Variants in MAGED1 observed in about 807,000 individuals in gnomAD.
MAGED1 encodes the protein melanoma-associated antigen D1.
A neutral mutation model predicts 54.1 loss-of-function variants in MAGED1; 3 were observed. The observed-to-expected ratio is 0.06, with a 90% CI of 0.03 to 0.14. The LOEUF (loss-of-function observed/expected upper bound fraction) is 0.14, where lower values mean the gene tolerates loss of function less well. MAGED1 is among the 10% of genes least tolerant of loss of function. The probability of loss-of-function intolerance (pLI) is 1.00; values close to 1 mark genes in which losing one functional copy is unlikely to be tolerated. For missense variants in MAGED1, 485 were observed against 623.4 expected, an observed-to-expected ratio of 0.78 and a Z score of 2.36; for synonymous variants, 217 against 227.3, an observed-to-expected ratio of 0.95 and a Z score of 0.41.
intron 1 of MAGED1, among the ~76,000 whole-genome samples, chrX:51,829,975 G>C (rs1557357275): frequency 9.0e-6 from 1 of 111,344 alleles, no homozygotes; most frequent in African/African-American, 3.3e-5. Context: ...AGACATGGAA[G>C]AAAACATTGC....
rs1167259151 is a variant in MAGED1, at chrX:51,859,357, C to T, written c.-36-34912C>T. Among the ~76,000 whole-genome samples the T allele has an allele frequency of 2.7e-5, 3 of 111,670 alleles. No individual in the cohort carries two copies. In the East Asian group the frequency reaches 8.4e-4, roughly 31 times the overall value. On this transcript the variant is annotated intron_variant, in intron 1 of 12. Coordinates refer to the MAGED1 transcript ENST00000375772. ...ACACTTGTGTTGTGATAGTATTAAT[C>T]ACTTTAGATTATGGGGCTTCTGCTG...
intron 10 of MAGED1, chrX:51,899,969 C>A: frequency 2.7e-6 from 1 of 366,428 alleles, no homozygotes; most frequent in East Asian, 5.1e-5. Flanking sequence ...TGACCCTATA[C>A]AAGCCTCGCC....
chrX:51,874,516 C>A lies in MAGED1; in HGVS notation c.-36-19753C>A, dbSNP rs192161038. Among the ~76,000 whole-genome samples, 78 of 111,372 alleles carry A rather than the reference C, an allele frequency of 7.0e-4. 1 individual carries two copies. The highest frequency in any genetic ancestry group is 1.2e-3 in the Admixed American group (13 of 10,493). On this transcript the variant is annotated intron_variant, in intron 1 of 12. Transcript: ENST00000375772. ...AAATGTATTTTATTTCACTTAGAAT[C>A]TTTTCCATTATGTCTTCAAGTTCAC...
chrX:51,808,922 G>T (rs1364555641), intron 1 of MAGED1, among the ~76,000 whole-genome samples: 1 of 111,504 alleles, frequency 9.0e-6, no homozygotes, highest in Non-Finnish European at 1.9e-5. Context: ...TACTTAGTAA[G>T]ATAAATAATA....
At chrX:51,893,445 G>T (rs1407225006), upstream of MAGED1, 1 of 112,940 alleles carries the variant, frequency 8.9e-6, no homozygotes, top group East Asian at 2.8e-4. Context: ...TGGTGGTGGG[G>T]TGGTGTGTTG....
upstream of MAGED1, among the ~76,000 whole-genome samples, chrX:51,892,673 A>G (rs1018744531): frequency 5.4e-5 from 6 of 111,167 alleles, no homozygotes; most frequent in East Asian, 8.6e-4. Context: ...CTAGAACACA[A>G]ACTTTGCTTG....
chrX:51,868,265 GTGTGTGTGTGTGTT>G (rs1271292775), intron 1 of MAGED1, among the ~76,000 whole-genome samples: 2 of 111,104 alleles, frequency 1.8e-5, no homozygotes, highest in African/African-American at 6.6e-5. Flanking sequence ...AGGAAAGTAA[GTGTGTGTGTGTGTT>G]TGTGTGTGTG....
chrX:51,852,490 A>G (rs1165585835), intron 1 of MAGED1, among the ~76,000 whole-genome samples: 1 of 112,169 alleles, frequency 8.9e-6, no homozygotes, highest in Non-Finnish European at 1.9e-5. Context: ...TTTTCACTGA[A>G]ACAGGCATTA....
At chrX:51,812,417 C>T (rs1925251561) in intron 1 of MAGED1, among the ~76,000 whole-genome samples, 1 of 110,987 alleles carries the variant, frequency 9.0e-6, no homozygotes, top group Non-Finnish European at 1.9e-5. Context: ...AATGGTGTCC[C>T]CATTCTCCCA....
intron 1 of MAGED1, among the ~76,000 whole-genome samples, chrX:51,824,295 A>G (rs1925748366): frequency 9.0e-6 from 1 of 111,243 alleles, no homozygotes; most frequent in African/African-American, 3.3e-5. Flanking sequence ...TTTATTAGAT[A>G]TAGAATTCTT....
chrX:51,856,154 TAATC>T (rs782102167), intron 1 of MAGED1, among the ~76,000 whole-genome samples: 52 of 112,459 alleles, frequency 4.6e-4, no homozygotes, highest in African/African-American at 1.5e-3. Context: ...ACAATTTACT[TAATC>T]AATTTCATAT....
At chrX:51,852,003 T>A in intron 1 of MAGED1, among the ~76,000 whole-genome samples, 1 of 111,858 alleles carries the variant, frequency 8.9e-6, no homozygotes, top group Non-Finnish European at 1.9e-5. Context: ...CACACACTTT[T>A]AATGTTACAA....
chrX:51,834,045 T>A (rs1926161967), intron 1 of MAGED1, among the ~76,000 whole-genome samples: 1 of 112,299 alleles, frequency 8.9e-6, no homozygotes, highest in African/African-American at 3.2e-5. Flanking sequence ...ATATATGCAT[T>A]CTTCTACAAA....
intron 1 of MAGED1, chrX:51,857,597 CT>C (rs1927132762): frequency 9.0e-6 from 1 of 111,712 alleles, no homozygotes; most frequent in South Asian, 3.8e-4. Flanking sequence ...GAAAGAGATC[CT>C]TTCAGTGTAA....
chrX:51,883,783 A>G (rs1928145445), intron 1 of MAGED1, among the ~76,000 whole-genome samples: 1 of 112,061 alleles, frequency 8.9e-6, no homozygotes, highest in Admixed American at 9.5e-5. Flanking sequence ...AAATCTCTAA[A>G]AGAAATCAGA....
At chrX:51,820,829 C>T (rs1031860644) in intron 1 of MAGED1, among the ~76,000 whole-genome samples, 1 of 111,598 alleles carries the variant, frequency 9.0e-6, no homozygotes, top group African/African-American at 3.3e-5. Flanking sequence ...AGTCATTCTA[C>T]TGTTCAATAG....
At chrX:51,897,685 A>G in intron 6 of MAGED1, 59 bp downstream of exon 6, 2 of 1,112,249 alleles carry the variant, frequency 1.8e-6, no homozygotes, top group Non-Finnish European at 2.5e-6. Flanking sequence ...TCAAAGATTC[A>G]TGGGGTTCCT....
chrX:51,864,168 G>T (rs1215411064), intron 1 of MAGED1, among the ~76,000 whole-genome samples: 1 of 97,215 alleles, frequency 1.0e-5, no homozygotes, highest in Non-Finnish European at 2.2e-5. Flanking sequence ...GAGTTGAGGG[G>T]TGTGAGAGAG....
Position 51,807,011 on chromosome X carries a change from A to C in MAGED1, c.-37+3894A>C, listed in dbSNP as rs1036685396. Among the ~76,000 whole-genome samples the C allele has an allele frequency of 4.5e-5, 5 of 110,132 alleles. No individual in the cohort carries two copies. In the Admixed American group the frequency reaches 4.8e-4, roughly 11 times the overall value. ...ACCATGTTGGCCAGGCTGGTCTCGA[A>C]CTCCTGACCTCGTGATTCTCCAGCC... On this transcript the variant is annotated intron_variant, in intron 1 of 12. Coordinates refer to the MAGED1 transcript ENST00000375772.
Sources: allele counts gnomAD v4.1 joint callset (sites outside exome capture counted in the v4.1 genomes callset), GRCh38; gene constraint gnomAD v4.1.1; transcripts MANE v1.5; gene names NCBI Gene and HGNC (gene_info 2026-07-23, HGNC 2026-07-21).